CFAP99: variants seen among roughly 807,000 people sequenced by gnomAD.
The protein encoded by CFAP99 is cilia- and flagella-associated protein 99.
Under a neutral mutation model 82.7 loss-of-function variants are expected in CFAP99, and 84 were observed. That is an observed-to-expected ratio of 1.02 (90% CI 0.85 to 1.22). CFAP99 has a LOEUF of 1.22. Among genes scored for constraint, CFAP99 ranks in the 50% most tolerant of loss-of-function variants. The pLI, the probability that CFAP99 is intolerant of heterozygous loss-of-function variation, is 0.00. For missense variants in CFAP99, 1,059 were observed against 983.5 expected (o/e 1.08, Z -1.03); for synonymous variants, 456 against 429.5 (o/e 1.06, Z -0.76).
chr4:2,458,699 G>A (rs1330295711), intron 11 of CFAP99, 24 bp from the exon 12 acceptor site: 73 of 1,523,128 alleles, frequency 4.8e-5, no homozygotes, highest in Non-Finnish European at 6.1e-5. Flanking sequence ...CCCACTCACC[G>A]TGGCAGGTCC....
chr4:2,447,305 A>C (rs1486041711), intron 6 of CFAP99, among the ~76,000 whole-genome samples: 1 of 149,234 alleles, frequency 6.7e-6, no homozygotes, highest in African/African-American at 2.5e-5. Context: ...TAAGTGAATG[A>C]ATGGATGGAT....
At position 2,458,843 on chromosome 4, in the gene CFAP99, G is replaced by A. The variant is rs776968431; in HGVS notation, c.1282G>A (p.Ala428Thr). ...CGCCAAGGCGGCCCAGACGAAGCTC[G>A]CGAAGGGCCGACAGCAGACAGGTAG... Residue 428 changes from alanine (A) to threonine (T), a missense_variant, in exon 12 of 15, where the codon GCG becomes ACG. Ala to Thr is a moderately conservative substitution (Grantham distance 58). Transcript: ENST00000635017. The A allele has an allele frequency of 1.1e-5, 17 of 1,535,480 alleles. 1 individual carries two copies. In the South Asian group the frequency reaches 1.2e-4, roughly 11 times the overall value.
rs954442950 is a variant in CFAP99 at position 2,462,694 on chromosome 4, C to G, written c.1913C>G (p.Pro638Arg). ...GCGCGGCGCGCAGGGACCGGCGTCC[C>G]GGGGCGGGGATGGCGGGGAGATCGG... Residue 638 changes from proline (P) to arginine (R), a missense_variant, in exon 15 of 15, where the codon CCG (proline) becomes CGG (arginine). Physicochemically the swap from Pro to Arg is moderately radical, Grantham distance 103. Coordinates refer to ENST00000635017, the Ensembl canonical transcript of CFAP99. This position sits in a 1 kb window ranked among gnomAD's most constrained non-coding sequence, Gnocchi z 4.1. 3 of 1,254,616 alleles carry G rather than the reference C, an allele frequency of 2.4e-6. No homozygotes were observed. Among genetic ancestry groups the G allele is most frequent in the South Asian group, 2.8e-5 (1 of 35,836 alleles). 77.7% of individuals were successfully genotyped at this position (1,254,616 alleles called of 1,614,324 possible).
At chr4:2,459,284 C>A (rs1170523927) in intron 13 of CFAP99, 26 bp downstream of exon 13, 1 of 1,509,660 alleles carries the variant, frequency 6.6e-7, no homozygotes, top group Non-Finnish European at 8.8e-7. Flanking sequence ...TGGACGGGCC[C>A]ATGCCTCAGG....
chr4:2,460,269 C>T (rs1277795379), intron 14 of CFAP99, 27 bp downstream of exon 14: 1 of 1,531,536 alleles, frequency 6.5e-7, no homozygotes, highest in East Asian at 2.4e-5. Flanking sequence ...GGGAGGGTGC[C>T]TCTGGGTGGA....
chr4:2,459,033 G>A lies in CFAP99; in HGVS notation c.1304-74G>A, dbSNP rs1178146508. On this transcript the variant is annotated intron_variant, in intron 12 of 14. Coordinates refer to ENST00000635017, the Ensembl canonical transcript of CFAP99. Reference sequence around the variant, plus strand: ...GCCAGAGTCCTGGCTGGGGAACCCTGGGGGAGGTGCCTTCCTGTCCAGCCC... The same window carrying A: ...GCCAGAGTCCTGGCTGGGGAACCCTAGGGGAGGTGCCTTCCTGTCCAGCCC... 8 of 1,451,378 alleles carry A rather than the reference G, an allele frequency of 5.5e-6. No individual in the cohort carries two copies. The East Asian group carries it at 2.0e-4, about 36-fold the overall frequency. The allele number at this position is 1,451,378 out of a possible 1,614,324, so 89.9% of individuals were successfully genotyped here. A position where few individuals can be genotyped will look rare whatever the true frequency, so the allele number is the denominator to read the frequency against.
chr4:2,447,323 T>C (rs1453697661), intron 6 of CFAP99, among the ~76,000 whole-genome samples: 1 of 151,194 alleles, frequency 6.6e-6, no homozygotes, highest in African/African-American at 2.4e-5. Flanking sequence ...GATGGATACA[T>C]GCATGGAAGG....
intron 14 of CFAP99, among the ~76,000 whole-genome samples, chr4:2,461,523 C>T (rs997166936): frequency 1.3e-5 from 2 of 152,176 alleles, no homozygotes; most frequent in Non-Finnish European, 2.9e-5. Context: ...CCACCAGCTC[C>T]CCAAGGTGGC....
chr4:2,442,550 C>A (rs141287624), intron 4 of CFAP99, among the ~76,000 whole-genome samples: 3 of 152,112 alleles, frequency 2.0e-5, no homozygotes, highest in Admixed American at 2.0e-4. Context: ...CCGCTCAGCC[C>A]GTGCCTCCTC....
At chr4:2,455,594 C>A (rs540597255) in intron 11 of CFAP99, among the ~76,000 whole-genome samples, 41 of 152,350 alleles carry the variant, frequency 2.7e-4, no homozygotes, top group African/African-American at 9.4e-4. Flanking sequence ...GAGGCTGAGG[C>A]ATGAGAATCG....
At chr4:2,425,953 A>G (rs187366929) in intron 1 of CFAP99, among the ~76,000 whole-genome samples, 2 of 151,972 alleles carry the variant, frequency 1.3e-5, no homozygotes, top group South Asian at 2.1e-4. Flanking sequence ...TCTTGCCCCA[A>G]CCATGTGTGA....
At position 2,446,618 on chromosome 4, in the gene CFAP99, G is replaced by A. The variant is rs1734172123; in HGVS notation, c.642+1310G>A. On this transcript the variant is annotated intron_variant, in intron 6 of 14. Coordinates refer to ENST00000635017, the Ensembl canonical transcript of CFAP99. The surrounding 1 kb of genome is among the most constrained non-coding windows in gnomAD (Gnocchi z 5.0). ...ATGTTGGCCGGGCTGGTCCCTAACT[G>A]ACCTCAGGTGATCTGCCCACCTAGG... Among the ~76,000 whole-genome samples, 1 of 152,106 alleles carries A rather than the reference G, an allele frequency of 6.6e-6. No homozygotes were observed. The highest frequency in any genetic ancestry group is 2.4e-5 in the African/African-American group (1 of 41,402).
intron 11 of CFAP99, among the ~76,000 whole-genome samples, chr4:2,457,807 T>C (rs1341438696): frequency 6.6e-6 from 1 of 152,090 alleles, no homozygotes; most frequent in African/African-American, 2.4e-5. Flanking sequence ...CTGTGGCTGA[T>C]GGGGACACTC....
chr4:2,460,322 G>C, intron 14 of CFAP99, 80 bp downstream of exon 14: 1 of 1,322,420 alleles, frequency 7.6e-7, no homozygotes, highest in South Asian at 1.3e-5. Flanking sequence ...TCCTGGGTGG[G>C]TCTCCTAGAA....
At chr4:2,459,192 C>A in exon 13 of CFAP99, 1 of 1,535,714 alleles carries the variant, frequency 6.5e-7, no homozygotes. Flanking sequence ...GTTGTGAACT[C>A]ATCTCCCAGC....
intron 4 of CFAP99, among the ~76,000 whole-genome samples, chr4:2,440,891 G>A (rs968146240): frequency 6.6e-6 from 1 of 151,888 alleles, no homozygotes; most frequent in African/African-American, 2.4e-5. Flanking sequence ...ACCGCGCCCG[G>A]CCAAAATTTT....
rs75102398 is a variant in CFAP99 at position 2,446,726 on chromosome 4, A to G, written c.642+1418A>G. Reference sequence around the variant, plus strand: ...CATATTCTCAATGCCTAGCCTAGTCATGGCTCAAAGCAGAACCTCAGTAAA... The same window carrying G: ...CATATTCTCAATGCCTAGCCTAGTCGTGGCTCAAAGCAGAACCTCAGTAAA... On this transcript the variant is annotated intron_variant, in intron 6 of 14. Coordinates refer to ENST00000635017, the Ensembl canonical transcript of CFAP99. This position sits in a 1 kb window ranked among gnomAD's most constrained non-coding sequence, Gnocchi z 5.0. Among the ~76,000 whole-genome samples, 266 of 152,314 alleles carry G rather than the reference A, an allele frequency of 1.7e-3. No homozygotes were observed. Among genetic ancestry groups the G allele is most frequent in the African/African-American group, 5.9e-3 (246 of 41,572 alleles).
chr4:2,444,930 T>C (rs1734126758), intron 5 of CFAP99, among the ~76,000 whole-genome samples: 1 of 152,110 alleles, frequency 6.6e-6, no homozygotes, highest in Non-Finnish European at 1.5e-5. Flanking sequence ...ACTGCGTCTG[T>C]ATATGTTTCA....
intron 6 of CFAP99, among the ~76,000 whole-genome samples, chr4:2,447,358 A>T (rs1734187803): frequency 6.6e-6 from 1 of 151,468 alleles, no homozygotes. Flanking sequence ...GGATGGGTGG[A>T]TGGATGGATG....
Sources: gnomAD v4.1 joint callset for allele counts (sites outside exome capture counted in the v4.1 genomes callset) on GRCh38, gnomAD v4.1.1 for gene constraint, Gnocchi (gnomAD v3.1) non-coding constraint, MANE v1.5 for transcripts, NCBI Gene and HGNC (gene_info 2026-07-23, HGNC 2026-07-21) for gene names.